CDC5L: variants seen among roughly 807,000 people sequenced by gnomAD.
The protein encoded by CDC5L is cell division cycle 5-like protein.
A neutral mutation model predicts 104.1 loss-of-function variants in CDC5L; 18 were observed. That is an observed-to-expected ratio of 0.17 (90% CI 0.12 to 0.26). CDC5L has a LOEUF of 0.26. CDC5L is among the 10% of genes least tolerant of loss of function. The pLI, the probability that CDC5L is intolerant of heterozygous loss-of-function variation, is 1.00. For synonymous variants in CDC5L, 331 were observed against 322.7 expected (o/e 1.03, Z -0.28); for missense variants, 673 against 956.9 (o/e 0.70, Z 3.91).
At chr6:44,418,798 A>T (rs537483596) in intron 8 of CDC5L, among the ~76,000 whole-genome samples, 1 of 149,862 alleles carries the variant, frequency 6.7e-6, no homozygotes, top group Admixed American at 6.6e-5. Flanking sequence ...TCTTCTTTTG[A>T]GAAGTGTCTG....
intron 13 of CDC5L, among the ~76,000 whole-genome samples, chr6:44,429,436 C>T (rs557417014): frequency 2.6e-5 from 4 of 152,202 alleles, no homozygotes; most frequent in African/African-American, 4.8e-5. Flanking sequence ...ACAATAGGTA[C>T]CTGAGAAATG....
In CDC5L at chr6:44,424,467, G is replaced by C; in HGVS notation, c.1453G>C (p.Ala485Pro). The change falls in exon 11 of 16, where the codon GCC (alanine) becomes CCC (proline). Residue 485 changes from alanine to proline, a missense_variant. By Grantham distance (27) the Ala-to-Pro change is conservative. Transcript: ENST00000371477. ...CCGTTTAGGGTTGTTGGGCCTTCCT[G>C]CCCCTAAGAATGATTTTGAAATTGT... Reference protein sequence around the residue: ...HLRLGLLGLPAPKNDFEIVLP... With the variant: ...HLRLGLLGLPPPKNDFEIVLP... 1 of 1,613,948 alleles carries C rather than the reference G, an allele frequency of 6.2e-7. No individual in the cohort carries two copies. The highest frequency in any genetic ancestry group is 1.1e-5 in the South Asian group (1 of 91,070).
intron 10 of CDC5L, among the ~76,000 whole-genome samples, chr6:44,423,770 T>G (rs778478877): frequency 3.9e-5 from 6 of 152,228 alleles, no homozygotes; most frequent in Non-Finnish European, 8.8e-5. Context: ...GCATGGGATT[T>G]AGTATTTCCA....
chr6:44,443,082 T>C (rs575681134), intron 14 of CDC5L, among the ~76,000 whole-genome samples: 1 of 151,822 alleles, frequency 6.6e-6, no homozygotes, highest in South Asian at 2.1e-4. Context: ...CCTGTCCCTG[T>C]CTCTCTTTCT....
At position 44,406,397 on chromosome 6, in the gene CDC5L, C is replaced by T; in HGVS notation, c.833C>T (p.Ala278Val). The T allele has an allele frequency of 6.2e-7, 1 of 1,606,522 alleles. No homozygotes were observed. The highest frequency in any genetic ancestry group is 1.1e-5 in the South Asian group (1 of 90,386). ...KRKKESDLPS[A>V]ILQTSGVSEF... ...AAAAAAGAATCTGATTTACCATCAG[C>T]TATTCTTCAAACTAGTGGTGTTTCT... Residue 278 changes from alanine (A) to valine (V), a missense_variant, in exon 7 of 16, where the codon GCT becomes GTT. Physicochemically the swap from Ala to Val is moderately conservative, Grantham distance 64. Around this residue, in one of 4 missense-constraint regions of CDC5L, gnomAD observed 578 missense variants for 737.0 expected, o/e 0.78. Transcript: ENST00000371477.
intron 8 of CDC5L, among the ~76,000 whole-genome samples, chr6:44,417,678 T>G (rs1409309311): frequency 6.6e-6 from 1 of 152,178 alleles, no homozygotes; most frequent in East Asian, 1.9e-4. Flanking sequence ...GTGAAGGGAC[T>G]AAAGAGAACA....
chr6:44,412,781 C>CTTTTTT (rs397950082), intron 8 of CDC5L, among the ~76,000 whole-genome samples: 17 of 106,574 alleles, frequency 1.6e-4, no homozygotes, highest in East Asian at 8.2e-4. Context: ...AGAATAATTT[C>CTTTTTT]TTTTTTTTTT....
intron 5 of CDC5L, among the ~76,000 whole-genome samples, chr6:44,399,833 T>C (rs1482839174): frequency 6.6e-6 from 1 of 152,110 alleles, no homozygotes; most frequent in Non-Finnish European, 1.5e-5. Context: ...TTTTGTATTT[T>C]TAGTAGAGAC....
chr6:44,418,629 C>T (rs1792010556), intron 8 of CDC5L, among the ~76,000 whole-genome samples: 1 of 152,008 alleles, frequency 6.6e-6, no homozygotes, highest in Non-Finnish European at 1.5e-5. Context: ...TAAAAGTGTT[C>T]CTATTTCTCC....
intron 14 of CDC5L, among the ~76,000 whole-genome samples, chr6:44,433,487 C>T (rs777482110): frequency 6.6e-6 from 1 of 151,980 alleles, no homozygotes; most frequent in Non-Finnish European, 1.5e-5. Context: ...TTAGGCATGC[C>T]GTTAAATTTA....
intron 9 of CDC5L, 142 bp from the exon 10 acceptor site, chr6:44,422,505 C>G: frequency 1.6e-6 from 1 of 606,346 alleles, no homozygotes; most frequent in East Asian, 3.0e-5. Flanking sequence ...GAGATCCTAA[C>G]AAAACCAGCT....
intron 14 of CDC5L, among the ~76,000 whole-genome samples, chr6:44,436,279 T>G (rs78245290): frequency 0.037 from 5,637 of 152,264 alleles, 299 homozygotes; most frequent in African/African-American, 0.12. Context: ...AACCTCACTT[T>G]AAACAATCGG....
intron 5 of CDC5L, 55 bp from the exon 6 acceptor site, chr6:44,403,754 A>G: frequency 8.0e-7 from 1 of 1,254,854 alleles, no homozygotes; most frequent in Non-Finnish European, 1.1e-6. Context: ...GTATGGGATA[A>G]TTTATCCCTG....
At chr6:44,414,803 A>G (rs1269943652) in intron 8 of CDC5L, among the ~76,000 whole-genome samples, 3 of 152,130 alleles carry the variant, frequency 2.0e-5, no homozygotes, top group Admixed American at 6.5e-5. Context: ...TAGTTTAGCT[A>G]TCTTTTTCTT....
intron 13 of CDC5L, among the ~76,000 whole-genome samples, chr6:44,427,497 C>T (rs1188258360): frequency 2.0e-5 from 3 of 152,194 alleles, no homozygotes; most frequent in African/African-American, 7.2e-5. Context: ...ACAAACTCTC[C>T]TGTCTTCTCT....
In CDC5L at chr6:44,448,065, A is replaced by G. The variant is rs946430618; in HGVS notation, c.*1354A>G. 1.3e-5 allele frequency: 2 copies of G among 152,214 alleles called. No homozygotes were observed. The highest frequency in any genetic ancestry group is 2.9e-5 in the Non-Finnish European group (2 of 68,042). The allele number at this position is 152,214 out of a possible 1,614,324, so 9.4% of individuals were successfully genotyped here. A position where few individuals can be genotyped will look rare whatever the true frequency, so the allele number is the denominator to read the frequency against. ...CCACTGCACTGTGCCGCACCGTACC[A>G]CTATAAGCTGCACGGCCAAAGAGAC... On this transcript the variant is annotated 3_prime_UTR_variant, in exon 16 of 16. Coordinates refer to ENST00000371477, the MANE Select transcript of CDC5L (RefSeq NM_001253.4).
At chr6:44,398,406 T>C (rs1790968995) in intron 5 of CDC5L, among the ~76,000 whole-genome samples, 1 of 152,218 alleles carries the variant, frequency 6.6e-6, no homozygotes, top group Non-Finnish European at 1.5e-5. Flanking sequence ...CAAGTGTGGC[T>C]AGCATTGATT....
At chr6:44,417,252 G>T (rs1372621306) in intron 8 of CDC5L, among the ~76,000 whole-genome samples, 1 of 152,162 alleles carries the variant, frequency 6.6e-6, no homozygotes, top group East Asian at 1.9e-4. Flanking sequence ...TGTTGGTGGG[G>T]TGGGTCCTCA....
At chr6:44,417,617 G>A (rs957685096) in intron 8 of CDC5L, among the ~76,000 whole-genome samples, 1 of 152,120 alleles carries the variant, frequency 6.6e-6, no homozygotes, top group Non-Finnish European at 1.5e-5. Context: ...GCCCTAAGTT[G>A]GACATAAAGA....
Sources: allele counts gnomAD v4.1 joint callset (sites outside exome capture counted in the v4.1 genomes callset), GRCh38; gene constraint gnomAD v4.1.1; regional missense constraint gnomAD v4.1.1; transcripts MANE v1.5; gene names NCBI Gene and HGNC (gene_info 2026-07-23, HGNC 2026-07-21).